Variants in CTNNA3 observed in about 807,000 individuals in gnomAD.
CTNNA3 encodes catenin alpha-3.
CTNNA3 carries 76 observed loss-of-function variants against 95.7 expected under a neutral mutation model. The observed-to-expected ratio is 0.79, with a 90% CI of 0.66 to 0.96. The LOEUF (loss-of-function observed/expected upper bound fraction) is 0.96, where lower values mean the gene tolerates loss of function less well. Ranked by LOEUF, CTNNA3 falls within the 40% of genes least tolerant of loss-of-function variation. The probability of loss-of-function intolerance (pLI) is 0.00; values close to 1 mark genes in which losing one functional copy is unlikely to be tolerated. For missense variants in CTNNA3, 1,191 were observed against 1,089.8 expected (o/e 1.09, Z -1.31); for synonymous variants, 431 against 374.4 (o/e 1.15, Z -1.74).
At chr10:65,940,687 T>C (rs2077415784) in intron 17 of CTNNA3, among the ~76,000 whole-genome samples, 1 of 152,204 alleles carries the variant, frequency 6.6e-6, no homozygotes, top group Non-Finnish European at 1.5e-5. Context: ...AATTTTTTTT[T>C]CTGATTTAAA....
At position 67,647,146 on chromosome 10, in the gene CTNNA3, T is replaced by TTATATATATATATA. The variant is rs67324505; in HGVS notation, c.99+255_99+268dup. ...AATTTATATAAAGGTACTCTGAAAA[T>TTATATATATATATA]TATATATATATATATATATATATAT... On this transcript the variant is annotated intron_variant, in intron 2 of 17. Transcript: ENST00000433211. Among the ~76,000 whole-genome samples the TTATATATATATATA allele has an allele frequency of 3.5e-3, 472 of 136,424 alleles. 1 individual carries two copies. The highest frequency in any genetic ancestry group is 5.0e-3 in the Non-Finnish European group (309 of 62,248). The allele number at this position is 136,424 out of a possible 152,430, so 89.5% of individuals were successfully genotyped here.
intron 3 of CTNNA3, among the ~76,000 whole-genome samples, chr10:67,565,992 A>AT (rs1841755431): frequency 1.7e-5 from 2 of 117,110 alleles, no homozygotes; most frequent in African/African-American, 6.4e-5. Context: ...CAGTATATAT[A>AT]TATTATATAT....
intron 1 of CTNNA3, among the ~76,000 whole-genome samples, chr10:67,745,654 G>C (rs966982537): frequency 6.6e-6 from 1 of 151,450 alleles, no homozygotes; most frequent in African/African-American, 2.4e-5. Flanking sequence ...AAAACTTAAA[G>C]TATAATAATA....
At chr10:66,888,535 T>C (rs1845134926) in intron 7 of CTNNA3, among the ~76,000 whole-genome samples, 1 of 143,806 alleles carries the variant, frequency 7.0e-6, no homozygotes, top group South Asian at 2.2e-4. Context: ...TTTCAGGTCA[T>C]GGTAGTTTTT....
chr10:66,179,486 C>A (rs138045744), intron 13 of CTNNA3, among the ~76,000 whole-genome samples: 1 of 152,060 alleles, frequency 6.6e-6, no homozygotes, highest in Non-Finnish European at 1.5e-5. Context: ...GGTTGGAATA[C>A]TGTACTATCG....
Position 65,952,278 on chromosome 10 carries a change from A to G in CTNNA3, c.2400+14334T>C, listed in dbSNP as rs369685671. 5.3e-5 allele frequency among the ~76,000 whole-genome samples: 8 copies of G among 152,266 alleles called. No individual in the cohort carries two copies. The East Asian group carries it at 1.2e-3, about 22-fold the overall frequency. ...AAAAAAGGAAGAACAGCACCCCCACATGCATTTTTTGAAGTATATCCTTTA... is the reference window on the plus strand; with the variant it reads ...AAAAAAGGAAGAACAGCACCCCCACGTGCATTTTTTGAAGTATATCCTTTA... On this transcript the variant is annotated intron_variant, in intron 17 of 17. Transcript: ENST00000433211.
At chr10:66,006,658 C>T (rs72791428) in intron 15 of CTNNA3, among the ~76,000 whole-genome samples, 16,225 of 152,020 alleles carry the variant, frequency 0.11, 908 homozygotes, top group South Asian at 0.14. Flanking sequence ...TTTCCAGCTT[C>T]GCTTTAAACC....
chr10:66,677,913 TA>T (rs5785776), intron 9 of CTNNA3, among the ~76,000 whole-genome samples: 82,379 of 151,442 alleles, frequency 0.54, 22,968 homozygotes, highest in African/African-American at 0.65. Context: ...AAACTTTGAG[TA>T]ACAACTATTC....
At chr10:66,547,756 T>A (rs766615220) in intron 10 of CTNNA3, among the ~76,000 whole-genome samples, 3 of 152,204 alleles carry the variant, frequency 2.0e-5, no homozygotes, top group Non-Finnish European at 4.4e-5. Flanking sequence ...ATTTGCAAGC[T>A]TTAAAATATT....
chr10:67,605,300 T>C lies in CTNNA3; in HGVS notation c.292+1557A>G, dbSNP rs201694240. Among the ~76,000 whole-genome samples, 4 of 152,306 alleles carry C rather than the reference T, an allele frequency of 2.6e-5. No homozygotes were observed. The East Asian group carries it at 7.7e-4, about 29-fold the overall frequency. The stretch of plus-strand genomic sequence containing the variant: ...AAACTATTGCAGGATCTCACTTATA[T>C]GTAGAATCTTTGTTTAAGAAAGTCA... On this transcript the variant is annotated intron_variant, in intron 3 of 17. Transcript: ENST00000433211.
intron 7 of CTNNA3, among the ~76,000 whole-genome samples, chr10:66,963,685 G>C (rs1849246183): frequency 6.6e-6 from 1 of 151,926 alleles, no homozygotes. Context: ...TCGAAAACAG[G>C]TTCCAAAATA....
At chr10:67,574,626 G>A (rs1002034645) in intron 3 of CTNNA3, among the ~76,000 whole-genome samples, 1 of 147,770 alleles carries the variant, frequency 6.8e-6, no homozygotes, top group Non-Finnish European at 1.5e-5. Context: ...TGTCGCCCAG[G>A]CTGGAGTGCA....
intron 7 of CTNNA3, among the ~76,000 whole-genome samples, chr10:66,785,382 A>G (rs1408525728): frequency 3.3e-5 from 5 of 152,222 alleles, no homozygotes; most frequent in Admixed American, 1.3e-4. Flanking sequence ...CCCAGTAAAG[A>G]ACAAAATGCC....
chr10:66,236,027 C>T (rs761940582), intron 13 of CTNNA3, among the ~76,000 whole-genome samples: 3 of 152,000 alleles, frequency 2.0e-5, no homozygotes, highest in Non-Finnish European at 4.4e-5. Flanking sequence ...ATGGAAAAGA[C>T]AAAGGAAATT....
At chr10:65,974,370 T>C in intron 16 of CTNNA3, among the ~76,000 whole-genome samples, 1 of 151,930 alleles carries the variant, frequency 6.6e-6, no homozygotes, top group East Asian at 1.9e-4. Flanking sequence ...ATTGAATAAA[T>C]AAAATGGGGT....
intron 12 of CTNNA3, among the ~76,000 whole-genome samples, chr10:66,321,220 GA>G (rs760814505): frequency 6.6e-6 from 1 of 150,958 alleles, no homozygotes; most frequent in African/African-American, 2.4e-5. Context: ...ATATAGATTT[GA>G]AAAAAAATAG....
In CTNNA3 at chr10:67,660,291, T is replaced by C. The variant is rs139058013; in HGVS notation, c.-5-12773A>G. Among the ~76,000 whole-genome samples, 553 of 152,312 alleles carry C rather than the reference T, an allele frequency of 3.6e-3. 5 individuals are homozygous for C. Among genetic ancestry groups the C allele is most frequent in the African/African-American group, 0.012 (519 of 41,566 alleles). On this transcript the variant is annotated intron_variant, in intron 1 of 17. Coordinates refer to ENST00000433211, the MANE Select transcript of CTNNA3 (RefSeq NM_013266.4). ...AAATATCCTCTCTATAGGAAATAGA[T>C]GACTTTTCTCCCCTGGCTTCAAAAC...
intron 7 of CTNNA3, among the ~76,000 whole-genome samples, chr10:66,896,452 T>C (rs1845496301): frequency 1.3e-5 from 2 of 152,210 alleles, no homozygotes; most frequent in African/African-American, 4.8e-5. Context: ...ACACTAATAA[T>C]GATATTTTAT....
chr10:66,524,756 G>GA (rs953759632), intron 10 of CTNNA3, among the ~76,000 whole-genome samples: 67 of 150,564 alleles, frequency 4.4e-4, no homozygotes, highest in African/African-American at 7.8e-4. Flanking sequence ...TGTTTAAAAA[G>GA]AAAAAAAAAT....
Sources: gnomAD v4.1 joint callset for allele counts (sites outside exome capture counted in the v4.1 genomes callset) on GRCh38, gnomAD v4.1.1 for gene constraint, MANE v1.5 for transcripts, NCBI Gene and HGNC (gene_info 2026-07-23, HGNC 2026-07-21) for gene names.